Variants in MAPK14 observed in about 807,000 individuals in gnomAD.
MAPK14 encodes the protein CSAID-binding protein.
Under a neutral mutation model 49.6 loss-of-function variants are expected in MAPK14, and 16 were observed. That is an observed-to-expected ratio of 0.32 (90% CI 0.22 to 0.49). MAPK14 has a LOEUF of 0.49. Among genes scored for constraint, MAPK14 ranks in the 20% least tolerant of loss-of-function variants. MAPK14 has a pLI of 0.99. For missense variants in MAPK14, 200 were observed against 441.2 expected (o/e 0.45, Z 4.90); for synonymous variants, 142 against 158.0 (o/e 0.90, Z 0.76).
intron 10 of MAPK14, among the ~76,000 whole-genome samples, chr6:36,103,066 C>G (rs1765689245): frequency 6.6e-6 from 1 of 152,150 alleles, no homozygotes; most frequent in African/African-American, 2.4e-5. Flanking sequence ...CAGGAGCTCC[C>G]TGCAGGGTGC....
At chr6:36,039,042 T>C (rs2127400022) in intron 1 of MAPK14, among the ~76,000 whole-genome samples, 1 of 152,324 alleles carries the variant, frequency 6.6e-6, no homozygotes, top group Non-Finnish European at 1.5e-5. Flanking sequence ...TAGACCATTG[T>C]TATCTGTCAT....
intron 1 of MAPK14, 125 bp from the exon 2 acceptor site, chr6:36,052,574 A>G: frequency 4.8e-6 from 4 of 825,312 alleles, no homozygotes; most frequent in South Asian, 3.2e-5. Context: ...TTTGCTTTTT[A>G]TCTTTATGCT....
chr6:36,047,535 G>T (rs9394326), intron 1 of MAPK14, among the ~76,000 whole-genome samples: 2 of 152,082 alleles, frequency 1.3e-5, no homozygotes, highest in South Asian at 4.1e-4. Flanking sequence ...GGAGGGGAGT[G>T]TTGTGATCTA....
chr6:36,111,149 A>AC lies in MAPK14; in HGVS notation c.*2702_*2703insC, dbSNP rs1765963253. On this transcript the variant is annotated 3_prime_UTR_variant, in exon 12 of 12. Coordinates refer to ENST00000229794, the MANE Select transcript of MAPK14 (RefSeq NM_139012.3). ...TTTTTAAATGGTTGGGAAAGAAAAAAAAAGAAGTAGTAGATTTTGTAGCAT... is the reference window on the plus strand; with the variant it reads ...TTTTTAAATGGTTGGGAAAGAAAAAACAAAGAAGTAGTAGATTTTGTAGCAT... The AC allele has an allele frequency of 6.6e-6, 1 of 151,758 alleles. No individual in the cohort carries two copies. Among genetic ancestry groups the AC allele is most frequent in the African/African-American group, 2.4e-5 (1 of 41,258 alleles). 9.4% of individuals were successfully genotyped at this position (151,758 alleles called of 1,614,324 possible).
intron 2 of MAPK14, among the ~76,000 whole-genome samples, chr6:36,056,423 T>C (rs1202951117): frequency 6.6e-6 from 1 of 152,196 alleles, no homozygotes; most frequent in Admixed American, 6.5e-5. Context: ...TGCCAATTAT[T>C]ATTTACATAA....
At chr6:36,118,433 C>T in the MAPK14 span, among the ~76,000 whole-genome samples, 1 of 152,210 alleles carries the variant, frequency 6.6e-6, no homozygotes. Context: ...CTCGCTGGCA[C>T]CCCTAGAACA....
chr6:36,052,577 T>G lies in MAPK14; in HGVS notation c.117-122T>G, dbSNP rs548874845. On this transcript the variant is annotated intron_variant, in intron 1 of 11. Transcript: ENST00000229794. ...ATAATAGGTCATTTTGCTTTTTATC[T>G]TTATGCTTTTTTTTGGTATTTTGTT... 10 of 848,740 alleles carry G rather than the reference T, an allele frequency of 1.2e-5. No homozygotes were observed. In the South Asian group the frequency reaches 2.8e-4, roughly 24 times the overall value. The allele number at this position is 848,740 out of a possible 1,614,324, so 52.6% of individuals were successfully genotyped here. A position where few individuals can be genotyped will look rare whatever the true frequency, so the allele number is the denominator to read the frequency against.
At chr6:36,083,069 A>G (rs1764828512) in intron 8 of MAPK14, among the ~76,000 whole-genome samples, 1 of 152,240 alleles carries the variant, frequency 6.6e-6, no homozygotes, top group Admixed American at 6.5e-5. Context: ...ATGGACAACT[A>G]GAAATAGCTG....
At position 36,107,457 on chromosome 6, in the gene MAPK14, G is replaced by C; in HGVS notation, c.844G>C (p.Val282Leu). ...NVFIGANPLA[V>L]DLLEKMLVLD... The stretch of plus-strand genomic sequence containing the variant: ...CTTCCTGTCTATGGTACTGATAGCT[G>C]TCGACTTGCTGGAGAAGATGCTTGT... The change falls in exon 11 of 12, where the codon GTC becomes CTC. Residue 282 changes from valine to leucine, a missense_variant and splice_region_variant. Val to Leu is a conservative substitution (Grantham distance 32). Transcript: ENST00000229794. The surrounding 1 kb of genome is among the most constrained non-coding windows in gnomAD (Gnocchi z 4.3). 6.5e-7 allele frequency: 1 copy of C among 1,537,330 alleles called. No homozygotes were observed. The highest frequency in any genetic ancestry group is 8.8e-7 in the Non-Finnish European group (1 of 1,141,798).
intron 8 of MAPK14, among the ~76,000 whole-genome samples, chr6:36,079,516 A>C (rs1429721911): frequency 1.3e-5 from 2 of 152,156 alleles, no homozygotes; most frequent in Admixed American, 1.3e-4. Context: ...GCAAAAAAAA[A>C]ATCTCGTAAT....
rs2859144 is a variant in MAPK14, at chr6:36,108,787, T to C, written c.*340T>C. On this transcript the variant is annotated 3_prime_UTR_variant, in exon 12 of 12. Transcript: ENST00000229794. ...ATGTTCAATGCAAAGTAAAAAAATA[T>C]GAATTGTCCCCAATCCCGGTCATGC... 9,533 of 268,224 alleles carry C rather than the reference T, an allele frequency of 0.036. 566 individuals carry two copies. Among genetic ancestry groups the C allele is most frequent in the African/African-American group, 0.15 (6,733 of 44,532 alleles). The allele number at this position is 268,224 out of a possible 1,614,324, so 16.6% of individuals were successfully genotyped here.
intron 6 of MAPK14, among the ~76,000 whole-genome samples, chr6:36,075,225 CAAAA>C (rs70975130): frequency 4.8e-5 from 3 of 62,940 alleles, no homozygotes; most frequent in Admixed American, 1.9e-4. Flanking sequence ...GACTCCGTCT[CAAAA>C]AAAAAAAAAA....
chr6:36,078,672 A>G (rs989948835), intron 8 of MAPK14, among the ~76,000 whole-genome samples: 4 of 152,182 alleles, frequency 2.6e-5, no homozygotes, highest in Admixed American at 2.6e-4. Flanking sequence ...TCATTTCAAA[A>G]TTTTGGTTTT....
chr6:36,119,486 TAGC>T, the MAPK14 span, among the ~76,000 whole-genome samples: 1 of 152,134 alleles, frequency 6.6e-6, no homozygotes, highest in Non-Finnish European at 1.5e-5. Flanking sequence ...TCATTTGTAA[TAGC>T]AGGAAAAAAT....
intron 10 of MAPK14, 88 bp downstream of exon 10, chr6:36,102,737 C>T: frequency 6.3e-7 from 1 of 1,588,508 alleles, no homozygotes; most frequent in Middle Eastern, 1.7e-4. Context: ...TCCTTTTGAC[C>T]AAATAAAGTA....
At position 36,091,170 on chromosome 6, in the gene MAPK14, T is replaced by C. The variant is rs1362657920; in HGVS notation, c.683-4817T>C. ...CTGGCCTGTGGAGGTTTTTTAGGAG[T>C]GCCTGGAGCACTTAGAACTGACTAG... On this transcript the variant is annotated intron_variant, in intron 8 of 11. Coordinates refer to ENST00000229794, the MANE Select transcript of MAPK14 (RefSeq NM_139012.3). Among the ~76,000 whole-genome samples the C allele has an allele frequency of 2.6e-5, 4 of 152,298 alleles. No individual in the cohort carries two copies. In the South Asian group the frequency reaches 8.3e-4, roughly 32 times the overall value.
Position 36,101,445 on chromosome 6 carries a change from A to AT in MAPK14, c.763-1119dup, listed in dbSNP as rs539458836. Among the ~76,000 whole-genome samples, 161 of 152,092 alleles carry AT rather than the reference A, an allele frequency of 1.1e-3. 1 individual carries two copies. Among genetic ancestry groups the AT allele is most frequent in the African/African-American group, 3.6e-3 (149 of 41,442 alleles). On this transcript the variant is annotated intron_variant, in intron 9 of 11. Coordinates refer to ENST00000229794, the MANE Select transcript of MAPK14 (RefSeq NM_139012.3). ...GAGCAGAGACTGTGTCTCTAAAAAA[A>AT]TTTTTTTAATAAATAAAGAAGGTGA...
At position 36,109,295 on chromosome 6, in the gene MAPK14, A is replaced by G. The variant is rs1765894841; in HGVS notation, c.*848A>G. 6.6e-6 allele frequency: 1 copy of G among 152,522 alleles called. No homozygotes were observed. The highest frequency in any genetic ancestry group is 1.5e-5 in the Non-Finnish European group (1 of 68,066). The allele number at this position is 152,522 out of a possible 1,614,324, so 9.4% of individuals were successfully genotyped here. A position where few individuals can be genotyped will look rare whatever the true frequency, so the allele number is the denominator to read the frequency against. On this transcript the variant is annotated 3_prime_UTR_variant, in exon 12 of 12. Transcript: ENST00000229794. ...CACCTTTGGTGCAGAGGTTTCTTGA[A>G]TATCTGCCCCAGTAGTCAGAAGCAG...
chr6:36,033,726 A>G (rs1762633963), intron 1 of MAPK14, among the ~76,000 whole-genome samples: 1 of 152,208 alleles, frequency 6.6e-6, no homozygotes, highest in Non-Finnish European at 1.5e-5. Context: ...TTTCTAGCCC[A>G]GTCTCAGAGA....
Sources: gnomAD v4.1 joint callset for allele counts (sites outside exome capture counted in the v4.1 genomes callset) on GRCh38, gnomAD v4.1.1 for gene constraint, Gnocchi (gnomAD v3.1) non-coding constraint, MANE v1.5 for transcripts, NCBI Gene and HGNC (gene_info 2026-07-23, HGNC 2026-07-21) for gene names.